Variants in HRG observed in about 807,000 individuals in gnomAD.
The protein encoded by HRG is histidine rich glycoprotein, also known as histidine-rich glycoprotein.
HRG carries 26 observed loss-of-function variants against 29.5 expected under a neutral mutation model. The observed-to-expected ratio is 0.88, with a 90% confidence interval of 0.65 to 1.22. HRG has a LOEUF of 1.22. Among genes scored for constraint, HRG ranks in the 50% most tolerant of loss-of-function variants. The pLI is 0.00. For missense variants in HRG, 671 were observed against 654.5 expected, an observed-to-expected ratio of 1.03 and a Z score of -0.28; for synonymous variants, 243 against 240.4, an observed-to-expected ratio of 1.01 and a Z score of -0.10.
chr3:186,671,988 T>C (rs943173585), intron 4 of HRG, among the ~76,000 whole-genome samples, 199 bp downstream of exon 4: 14 of 152,094 alleles, frequency 9.2e-5, no homozygotes, highest in African/African-American at 3.1e-4. Flanking sequence ...TTTTTTTTTT[T>C]TTGAAGGATG....
Position 186,677,087 on chromosome 3 carries a change from A to C in HRG, c.782A>C (p.His261Pro), listed in dbSNP as rs1719016424. 3 of 1,614,020 alleles carry C rather than the reference A, an allele frequency of 1.9e-6. No individual in the cohort carries two copies. In the South Asian group the frequency reaches 3.3e-5, roughly 18 times the overall value. ...AATGGTGTACCGCCTCATTTGGGAC[A>C]TCCCTTCCACTGGGGTGGGCATGAG... Reference protein sequence around the residue: ...NINGVPPHLGHPFHWGGHERS... With the variant: ...NINGVPPHLGPPFHWGGHERS... The change falls in exon 7 of 7, where the codon CAT becomes CCT. Residue 261 changes from histidine (H) to proline (P), a missense_variant. Physicochemically the swap from His to Pro is moderately conservative, Grantham distance 77. Coordinates refer to ENST00000232003, the MANE Select transcript of HRG (RefSeq NM_000412.5).
intron 5 of HRG, chr3:186,673,629 C>T (rs1055601796): frequency 7.9e-5 from 12 of 152,186 alleles, no homozygotes; most frequent in African/African-American, 2.7e-4. Context: ...TAAGACCCTA[C>T]GCCAAGTGGT....
At position 186,675,564 on chromosome 3, in the gene HRG, G is replaced by C. The variant is rs547502476; in HGVS notation, c.741+374G>C. On this transcript the variant is annotated intron_variant, in intron 6 of 6. Coordinates refer to ENST00000232003, the MANE Select transcript of HRG (RefSeq NM_000412.5). Reference sequence around the variant, plus strand: ...TTGAAGGAATTTGAAAATGCTCTTTGTAGTCGGGACTCTAGTGCTGAGACT... The same window carrying C: ...TTGAAGGAATTTGAAAATGCTCTTTCTAGTCGGGACTCTAGTGCTGAGACT... 2.0e-5 allele frequency among the ~76,000 whole-genome samples: 3 copies of C among 152,270 alleles called. No homozygotes were observed. The East Asian group carries it at 5.8e-4, about 29-fold the overall frequency.
Position 186,669,043 on chromosome 3 carries a change from T to C in HRG, c.292T>C (p.Ser98Pro). ...DCEPPDSRRP[S>P]EIVIGQCKVI... ...TGAGCCACCTGATTCCAGACGTCCA[T>C]CTGAAATAGTAAGTAAAGAGGGCAC... The change falls in exon 2 of 7, where the codon TCT becomes CCT. Residue 98 changes from serine to proline, a missense_variant. Ser to Pro is a moderately conservative substitution (Grantham distance 74, BLOSUM62 -1). Transcript: ENST00000232003. 6.4e-7 allele frequency: 1 copy of C among 1,567,638 alleles called. No individual in the cohort carries two copies.
chr3:186,669,068 C>A lies in HRG; in HGVS notation c.300+17C>A. The A allele has an allele frequency of 8.0e-7, 1 of 1,243,878 alleles. No individual in the cohort carries two copies. The highest frequency in any genetic ancestry group is 1.2e-6 in the Non-Finnish European group (1 of 841,460). 77.1% of individuals were successfully genotyped at this position (1,243,878 alleles called of 1,614,324 possible). Reference sequence around the variant, plus strand: ...TCTGAAATAGTAAGTAAAGAGGGCACCTTCACTCTGCTCTTTTCATTCTTA... The same window carrying A: ...TCTGAAATAGTAAGTAAAGAGGGCAACTTCACTCTGCTCTTTTCATTCTTA... On this transcript the variant is annotated intron_variant, in intron 2 of 6. Coordinates refer to ENST00000232003, the MANE Select transcript of HRG (RefSeq NM_000412.5).
At chr3:186,671,976 CTTT>C (rs10706995) in intron 4 of HRG, among the ~76,000 whole-genome samples, 187 bp downstream of exon 4, 1 of 149,356 alleles carries the variant, frequency 6.7e-6, no homozygotes. Context: ...TCCTCAAACA[CTTT>C]TTTTTTTTTT....
chr3:186,670,993 C>T (rs1718768130), intron 3 of HRG, among the ~76,000 whole-genome samples: 1 of 151,890 alleles, frequency 6.6e-6, no homozygotes, highest in African/African-American at 2.4e-5. Flanking sequence ...GTATCTTCTC[C>T]TCTCTCTGGG....
At chr3:186,669,811 A>G (rs1185634150) in intron 2 of HRG, 127 bp from the exon 3 acceptor site, 14 of 728,146 alleles carry the variant, frequency 1.9e-5, no homozygotes, top group Non-Finnish European at 2.8e-5. Flanking sequence ...ACAAGCTTTG[A>G]TGAAAGAAAT....
In HRG at chr3:186,673,197, G is replaced by A. The variant is rs900774407; in HGVS notation, c.639+330G>A. The A allele has an allele frequency of 1.4e-5, 5 of 368,772 alleles. No homozygotes were observed. In the East Asian group the frequency reaches 2.0e-4, roughly 15 times the overall value. 22.8% of individuals were successfully genotyped at this position (368,772 alleles called of 1,614,324 possible). A position where few individuals can be genotyped will look rare whatever the true frequency, so the allele number is the denominator to read the frequency against. ...CGGCTCACTGCAACCTCCGCCTCCC[G>A]GGTTCAGGCGATTCTCCTGCCTCAG... On this transcript the variant is annotated intron_variant, in intron 5 of 6. Transcript: ENST00000232003.
In HRG at chr3:186,677,330, A is replaced by G. The variant is rs1719029934; in HGVS notation, c.1025A>G (p.His342Arg). Reference sequence around the variant, plus strand: ...ACAAATGGGGCCCAAAGACATTCTCATAATAATAATTCCAGTGACCTCCAT... The same window carrying G: ...ACAAATGGGGCCCAAAGACATTCTCGTAATAATAATTCCAGTGACCTCCAT... Reference protein sequence around the residue: ...FGTNGAQRHSHNNNSSDLHPH... With the variant: ...FGTNGAQRHSRNNNSSDLHPH... The change falls in exon 7 of 7, where the codon CAT (histidine) becomes CGT (arginine). Residue 342 changes from histidine (H) to arginine (R), a missense_variant. Physicochemically the swap from His to Arg is conservative, Grantham distance 29. Transcript: ENST00000232003. The G allele has an allele frequency of 1.2e-6, 2 of 1,614,004 alleles. No individual in the cohort carries two copies. The highest frequency in any genetic ancestry group is 2.2e-5 in the South Asian group (2 of 91,074).
chr3:186,677,465 A>G lies in HRG; in HGVS notation c.1160A>G (p.His387Arg). ...CAGCATCCCCATGGACACCACCCCC[A>G]TGGACACCATCCTCATGGACACCAC... is the stretch of plus-strand genomic sequence containing the variant. ...HRQHPHGHHP[H>R]GHHPHGHHPH... The change falls in exon 7 of 7, where the codon CAT becomes CGT. Residue 387 changes from histidine (H) to arginine (R), a missense_variant. Transcript: ENST00000232003. The G allele has an allele frequency of 6.3e-7, 1 of 1,590,316 alleles. No homozygotes were observed. Among genetic ancestry groups the G allele is most frequent in the Admixed American group, 1.8e-5 (1 of 55,570 alleles).
Position 186,672,925 on chromosome 3 carries a change from AAGAAGGAGAAGG to A in HRG, c.639+74_639+85del, listed in dbSNP as rs569054106. On this transcript the variant is annotated intron_variant, in intron 5 of 6. Coordinates refer to ENST00000232003, the MANE Select transcript of HRG (RefSeq NM_000412.5). ...AGAGTCACAGAGAAAAAAGAAAGAG[AAGAAGGAGAAGG>A]AGAAGGAGAAGGAGAGGAAGGAGAA... 4.4e-6 allele frequency: 5 copies of A among 1,136,848 alleles called. No individual in the cohort carries two copies. The African/African-American group carries it at 4.6e-5, about 11-fold the overall frequency. 70.4% of individuals were successfully genotyped at this position (1,136,848 alleles called of 1,614,324 possible). A position where few individuals can be genotyped will look rare whatever the true frequency, so the allele number is the denominator to read the frequency against.
At chr3:186,671,013 A>T (rs1047228933) in intron 3 of HRG, among the ~76,000 whole-genome samples, 4 of 151,844 alleles carry the variant, frequency 2.6e-5, no homozygotes, top group Non-Finnish European at 4.4e-5. Flanking sequence ...GCAAAACTCT[A>T]TGTTAATGCT....
At position 186,677,063 on chromosome 3, in the gene HRG, A is replaced by G. The variant is rs755741611; in HGVS notation, c.758A>G (p.Asn253Ser). ...VFDPQEHENI[N>S]GVPPHLGHPF... ...CTTTTCCAGGAACATGAGAACATCA[A>G]TGGTGTACCGCCTCATTTGGGACAT... The change falls in exon 7 of 7, where the codon AAT (asparagine) becomes AGT (serine). Residue 253 changes from asparagine to serine, a missense_variant. Physicochemically the swap from Asn to Ser is conservative, Grantham distance 46. Coordinates refer to ENST00000232003, the MANE Select transcript of HRG (RefSeq NM_000412.5). 6.2e-6 allele frequency: 10 copies of G among 1,614,032 alleles called. No homozygotes were observed. The highest frequency in any genetic ancestry group is 1.7e-5 in the Admixed American group (1 of 60,024).
rs140916341 is a variant in HRG, at chr3:186,672,829, C to T, written c.601C>T (p.Arg201Trp). 433 of 1,612,018 alleles carry T rather than the reference C, an allele frequency of 2.7e-4. No individual in the cohort carries two copies. Among genetic ancestry groups the T allele is most frequent in the Non-Finnish European group, 2.8e-4 (329 of 1,178,332 alleles). ...TGGTTACTTCGTGGACTTCTCTGTG[C>T]GGAACTGCCCCAGACACCATTTCCC... ...GTGYFVDFSV[R>W]NCPRHHFPRH... The change falls in exon 5 of 7, where the codon CGG (arginine) becomes TGG (tryptophan). Residue 201 changes from arginine to tryptophan, a missense_variant. By Grantham distance (101) the Arg-to-Trp change is moderately radical. Transcript: ENST00000232003.
intron 4 of HRG, 110 bp downstream of exon 4, chr3:186,671,899 T>C (rs1718810316): frequency 2.1e-6 from 2 of 946,880 alleles, no homozygotes; most frequent in South Asian, 1.3e-5. Context: ...AGCTGCCTTT[T>C]AATTTGTCAC....
chr3:186,675,731 A>G (rs1718961674), intron 6 of HRG, among the ~76,000 whole-genome samples: 2 of 152,136 alleles, frequency 1.3e-5, no homozygotes, highest in Non-Finnish European at 2.9e-5. Context: ...TATTTTTTAC[A>G]TGAGTACAAA....
intron 6 of HRG, among the ~76,000 whole-genome samples, chr3:186,676,522 C>A (rs1246376606): frequency 1.3e-5 from 2 of 151,616 alleles, no homozygotes; most frequent in Non-Finnish European, 2.9e-5. Context: ...TGCCTGTAAT[C>A]CCAGCACTTT....
rs1192445175 is a variant in HRG, at chr3:186,672,807, T to G, written c.579T>G (p.Gly193=). 1.2e-6 allele frequency: 2 copies of G among 1,611,826 alleles called. No individual in the cohort carries two copies. Among genetic ancestry groups the G allele is most frequent in the Admixed American group, 3.3e-5 (2 of 60,022 alleles). ...VARVRGGEGT[G]YFVDFSVRNC... ...TCTAGAGAGGAGGGGAAGGAACTGG[T>G]TACTTCGTGGACTTCTCTGTGCGGA... Residue 193 remains glycine, a synonymous_variant, in exon 5 of 7, where the codon GGT becomes GGG. Coordinates refer to ENST00000232003, the MANE Select transcript of HRG (RefSeq NM_000412.5).
Sources: gnomAD v4.1 joint callset for allele counts (sites outside exome capture counted in the v4.1 genomes callset) on GRCh38, gnomAD v4.1.1 for gene constraint, MANE v1.5 for transcripts, NCBI Gene and HGNC (gene_info 2026-07-23, HGNC 2026-07-21) for gene names.